Variants in GOLIM4 observed in about 807,000 individuals in gnomAD.
GOLIM4 encodes the protein golgi integral membrane protein 4.
A neutral mutation model predicts 107.4 loss-of-function variants in GOLIM4; 71 were observed. The observed-to-expected ratio is 0.66, with a 90% CI of 0.55 to 0.81. GOLIM4 has a LOEUF of 0.81. Ranked by LOEUF, GOLIM4 falls within the 30% of genes least tolerant of loss-of-function variation. The pLI is 0.00. For synonymous variants in GOLIM4, 327 were observed against 294.8 expected, an observed-to-expected ratio of 1.11 and a Z score of -1.12; for missense variants, 830 against 826.1, an observed-to-expected ratio of 1.00 and a Z score of -0.06.
At chr3:168,051,930 T>TCA (rs142246222) in intron 1 of GOLIM4, among the ~76,000 whole-genome samples, 6,895 of 152,044 alleles carry the variant, frequency 0.045, 186 homozygotes, top group Non-Finnish European at 0.067. Flanking sequence ...AGAAACCACA[T>TCA]CAGGTAAAGG....
At chr3:168,040,551 G>T (rs1286109826) in intron 7 of GOLIM4, among the ~76,000 whole-genome samples, 1 of 152,212 alleles carries the variant, frequency 6.6e-6, no homozygotes, top group Non-Finnish European at 1.5e-5. Context: ...TGCATGTAGG[G>T]ACGAGAGTGG....
chr3:168,079,908 TGTCA>T (rs1560107823), intron 1 of GOLIM4, among the ~76,000 whole-genome samples: 1 of 152,120 alleles, frequency 6.6e-6, no homozygotes, highest in South Asian at 2.1e-4. Context: ...CAGAGAAAAT[TGTCA>T]GTCACTTAAA....
At chr3:168,053,328 G>A (rs181981239) in intron 1 of GOLIM4, among the ~76,000 whole-genome samples, 1 of 152,310 alleles carries the variant, frequency 6.6e-6, no homozygotes, top group Admixed American at 6.5e-5. Context: ...AGAGGGCAAT[G>A]TTTCTTTGGC....
At chr3:168,014,067 C>G (rs1191607719) in intron 14 of GOLIM4, among the ~76,000 whole-genome samples, 2 of 137,412 alleles carry the variant, frequency 1.5e-5, no homozygotes, top group East Asian at 2.0e-4. Flanking sequence ...AAAAGAGACA[C>G]AAAAAACCCT....
intron 1 of GOLIM4, among the ~76,000 whole-genome samples, chr3:168,064,002 T>C (rs1426077111): frequency 6.6e-6 from 1 of 152,192 alleles, no homozygotes. Flanking sequence ...AAGTTTATTC[T>C]GGCAAGCAGG....
intron 1 of GOLIM4, among the ~76,000 whole-genome samples, chr3:168,054,812 A>G (rs1446820285): frequency 6.6e-6 from 1 of 152,142 alleles, no homozygotes; most frequent in Non-Finnish European, 1.5e-5. Flanking sequence ...CTCATCTTGA[A>G]TTCTCACATG....
At chr3:168,029,660 C>A in intron 10 of GOLIM4, 120 bp downstream of exon 10, 2 of 1,085,268 alleles carry the variant, frequency 1.8e-6, no homozygotes, top group South Asian at 1.6e-5. Flanking sequence ...CCTGCCTTGG[C>A]TATTTGAGCA....
At chr3:168,025,454 TG>T (rs5854270) in intron 12 of GOLIM4, among the ~76,000 whole-genome samples, 22,976 of 151,976 alleles carry the variant, frequency 0.15, 3,376 homozygotes, top group African/African-American at 0.38. Flanking sequence ...CTAATTTAGG[TG>T]GGGGATTTAG....
chr3:168,081,685 C>A (rs1721375252), intron 1 of GOLIM4, among the ~76,000 whole-genome samples: 2 of 152,044 alleles, frequency 1.3e-5, no homozygotes, highest in South Asian at 4.2e-4. Flanking sequence ...GGTAATAACA[C>A]AGTATAATGG....
In GOLIM4 at chr3:168,016,017, C is replaced by T. The variant is rs1194143515; in HGVS notation, c.1861-5194G>A. On this transcript the variant is annotated intron_variant, in intron 14 of 15. Transcript: ENST00000470487. ...ATGTCTAAAACACCAAAAGCAATGG[C>T]AACAAAAGACAAAATTGACAAATGG... Among the ~76,000 whole-genome samples, 801 of 129,448 alleles carry T rather than the reference C, an allele frequency of 6.2e-3. 81 individuals are homozygous for T. The highest frequency in any genetic ancestry group is 0.032 in the African/African-American group (723 of 22,628). The allele number at this position is 129,448 out of a possible 152,430, so 84.9% of individuals were successfully genotyped here.
intron 14 of GOLIM4, among the ~76,000 whole-genome samples, chr3:168,020,032 T>C (rs1717596437): frequency 6.6e-6 from 1 of 152,184 alleles, no homozygotes; most frequent in Non-Finnish European, 1.5e-5. Context: ...CCACATCAAC[T>C]ATATAGTTAC....
rs367786849 is a variant in GOLIM4 at position 168,027,499 on chromosome 3, G to GT, written c.1623+228dup. Among the ~76,000 whole-genome samples, 92 of 143,858 alleles carry GT rather than the reference G, an allele frequency of 6.4e-4. 1 individual carries two copies. Among genetic ancestry groups the GT allele is most frequent in the East Asian group, 2.0e-3 (10 of 4,994 alleles). 94.4% of individuals were successfully genotyped at this position (143,858 alleles called of 152,430 possible). A position where few individuals can be genotyped will look rare whatever the true frequency, so the allele number is the denominator to read the frequency against. The stretch of plus-strand genomic sequence containing the variant: ...ATCAGAAAAAAAAAATCCTGGTTTT[G>GT]TTTTTTTTTTTCCCCCAGAGCAACT... On this transcript the variant is annotated intron_variant, in intron 12 of 15. Transcript: ENST00000470487.
rs571671774 is a variant in GOLIM4 at position 168,036,574 on chromosome 3, T to G, written c.843+262A>C. On this transcript the variant is annotated intron_variant, in intron 8 of 15. Coordinates refer to ENST00000470487, the MANE Select transcript of GOLIM4 (RefSeq NM_014498.5). The stretch of plus-strand genomic sequence containing the variant: ...AAAAGAAAGAAAATACTAGCAGCAG[T>G]TCTCAAAGTTTGCTACTCAGACCAG... Among the ~76,000 whole-genome samples the G allele has an allele frequency of 2.0e-5, 3 of 152,160 alleles. No homozygotes were observed. The South Asian group carries it at 6.2e-4, about 32-fold the overall frequency.
intron 14 of GOLIM4, among the ~76,000 whole-genome samples, chr3:168,011,640 C>A (rs1717040113): frequency 6.6e-6 from 1 of 151,152 alleles, no homozygotes; most frequent in Admixed American, 6.6e-5. Flanking sequence ...ACTTAAATGT[C>A]CCTGTCTGAC....
intron 8 of GOLIM4, among the ~76,000 whole-genome samples, chr3:168,034,861 G>GAGA (rs1718554347): frequency 6.6e-6 from 1 of 152,182 alleles, no homozygotes; most frequent in Non-Finnish European, 1.5e-5. Flanking sequence ...TGCCATCCAT[G>GAGA]GAAGATGGGA....
At chr3:168,027,316 A>G (rs991131546) in intron 12 of GOLIM4, among the ~76,000 whole-genome samples, 1 of 152,174 alleles carries the variant, frequency 6.6e-6, no homozygotes, top group Admixed American at 6.5e-5. Context: ...ACTCTAGCAG[A>G]CTGCTCAACA....
intron 13 of GOLIM4, 99 bp from the exon 14 acceptor site, chr3:168,024,693 G>T: frequency 9.6e-7 from 1 of 1,039,304 alleles, no homozygotes; most frequent in Non-Finnish European, 1.5e-6. Context: ...CATGAAAAGG[G>T]CACTTTCAAA....
Position 168,025,079 on chromosome 3 carries a change from T to C in GOLIM4, c.1640A>G (p.Asp547Gly). ...ESEADRAAVE[D>G]INPADDPNNQ... Reference sequence around the variant, plus strand: ...ATTAGGGTCATCTGCTGGGTTTATATCTTCTACAGCTGCCCTCTGTAAAAT... The same window carrying C: ...ATTAGGGTCATCTGCTGGGTTTATACCTTCTACAGCTGCCCTCTGTAAAAT... Residue 547 changes from aspartate (D) to glycine (G), a missense_variant, in exon 13 of 16, where the codon GAT (aspartate) becomes GGT (glycine). Transcript: ENST00000470487. 6.2e-7 allele frequency: 1 copy of C among 1,613,478 alleles called. No homozygotes were observed.
intron 7 of GOLIM4, among the ~76,000 whole-genome samples, chr3:168,037,690 G>C (rs1718740094): frequency 6.6e-6 from 1 of 152,160 alleles, no homozygotes; most frequent in Non-Finnish European, 1.5e-5. Context: ...TACAGGACTA[G>C]AATCTGCTCA....
Sources: gnomAD v4.1 joint callset for allele counts (sites outside exome capture counted in the v4.1 genomes callset) on GRCh38, gnomAD v4.1.1 for gene constraint, MANE v1.5 for transcripts, NCBI Gene and HGNC (gene_info 2026-07-23, HGNC 2026-07-21) for gene names.